TMEM38B: variants seen among roughly 807,000 people sequenced by gnomAD.
TMEM38B encodes trimeric intracellular cation channel type B.
A neutral mutation model predicts 28.7 loss-of-function variants in TMEM38B; 24 were observed. That is an observed-to-expected ratio of 0.84 (90% CI 0.61 to 1.18). The LOEUF (loss-of-function observed/expected upper bound fraction) is 1.18. TMEM38B is among the 50% of genes most tolerant of loss of function. The probability of loss-of-function intolerance (pLI) is 0.00; values close to 1 mark genes in which losing one functional copy is unlikely to be tolerated. For synonymous variants in TMEM38B, 131 were observed against 127.7 expected, an observed-to-expected ratio of 1.03 and a Z score of -0.17; for missense variants, 380 against 350.9, an observed-to-expected ratio of 1.08 and a Z score of -0.66.
intron 2 of TMEM38B, among the ~76,000 whole-genome samples, chr9:105,706,219 A>G (rs1311619302): frequency 2.0e-5 from 3 of 152,136 alleles, no homozygotes; most frequent in African/African-American, 7.2e-5. Flanking sequence ...CTTTAAGTGT[A>G]AAGTATATCT....
At position 105,740,862 on chromosome 9, in the gene TMEM38B, A is replaced by G. The variant is rs770535774; in HGVS notation, c.543-7211A>G. Among the ~76,000 whole-genome samples, 4 of 152,266 alleles carry G rather than the reference A, an allele frequency of 2.6e-5. No homozygotes were observed. In the South Asian group the frequency reaches 8.3e-4, roughly 32 times the overall value. ...TGTTAATGTGTCAGTATATTTCTAT[A>G]TTTTTCTGCATAAATATATTTTTAC... On this transcript the variant is annotated intron_variant, in intron 4 of 5. Transcript: ENST00000374692.
intron 2 of TMEM38B, among the ~76,000 whole-genome samples, chr9:105,715,252 C>A (rs1836053066): frequency 1.3e-5 from 2 of 152,038 alleles, no homozygotes; most frequent in African/African-American, 4.8e-5. Flanking sequence ...ATATATTACT[C>A]CATTTTCTTC....
intron 5 of TMEM38B, among the ~76,000 whole-genome samples, chr9:105,763,635 C>T (rs929358426): frequency 2.0e-5 from 3 of 152,138 alleles, no homozygotes; most frequent in African/African-American, 7.2e-5. Context: ...GATTCACAGC[C>T]GAATTCTACC....
chr9:105,773,912 T>A lies in TMEM38B; in HGVS notation c.708T>A (p.Phe236Leu), dbSNP rs541852094. 1 of 1,613,786 alleles carries A rather than the reference T, an allele frequency of 6.2e-7. No individual in the cohort carries two copies. Among genetic ancestry groups the A allele is most frequent in the East Asian group, 2.2e-5 (1 of 44,874 alleles). The change falls in exon 6 of 6, where the codon TTT becomes TTA. Residue 236 changes from phenylalanine (F) to leucine (L), a missense_variant. Transcript: ENST00000374692. ...CTTCTACTATGACATTTGCTCCTTT[T>A]GAGGATACATTGAGTTGGATGCTAT... is the stretch of plus-strand genomic sequence containing the variant. ...TQTSTMTFAPFEDTLSWMLFG... is the reference protein window; with the variant it reads ...TQTSTMTFAPLEDTLSWMLFG...
rs142554283 is a variant in TMEM38B, at chr9:105,730,156, G to A, written c.542+7535G>A. Among the ~76,000 whole-genome samples, 768 of 152,116 alleles carry A rather than the reference G, an allele frequency of 5.0e-3. 5 individuals carry two copies. Among genetic ancestry groups the A allele is most frequent in the Non-Finnish European group, 8.7e-3 (591 of 67,986 alleles). ...AGAGAGGGCATCCTTGTCTTGTGCC[G>A]GTTTTCAAAGGGAATGCGTCCAGTT... On this transcript the variant is annotated intron_variant, in intron 4 of 5. Transcript: ENST00000374692.
At chr9:105,739,448 G>C (rs1837109474) in intron 4 of TMEM38B, among the ~76,000 whole-genome samples, 1 of 152,088 alleles carries the variant, frequency 6.6e-6, no homozygotes. Flanking sequence ...AACAAAAATA[G>C]TGATGGAATT....
chr9:105,761,583 T>C (rs1838053551), intron 5 of TMEM38B, among the ~76,000 whole-genome samples: 1 of 152,200 alleles, frequency 6.6e-6, no homozygotes, highest in Non-Finnish European at 1.5e-5. Context: ...ACCTATCAGA[T>C]GCTTAAAATA....
At chr9:105,767,199 A>T (rs1235833279) in intron 5 of TMEM38B, among the ~76,000 whole-genome samples, 1 of 151,952 alleles carries the variant, frequency 6.6e-6, no homozygotes, top group Non-Finnish European at 1.5e-5. Flanking sequence ...TTTGTTGAAA[A>T]GACAGTTCTT....
At chr9:105,760,865 C>T (rs571459611) in intron 5 of TMEM38B, 77 of 592,798 alleles carry the variant, frequency 1.3e-4, no homozygotes, top group Non-Finnish European at 2.0e-4. Context: ...TCTAAATAAG[C>T]ACATTATGTA....
rs1363684732 is a variant in TMEM38B, at chr9:105,705,614, T to A, written c.130T>A (p.Trp44Arg). 6.2e-7 allele frequency: 1 copy of A among 1,613,802 alleles called. No individual in the cohort carries two copies. The highest frequency in any genetic ancestry group is 1.1e-5 in the South Asian group (1 of 91,016). Residue 44 changes from tryptophan to arginine, a missense_variant, in exon 2 of 6, where the codon TGG becomes AGG. Transcript: ENST00000374692. ...CATTTCAGGAGCAGCTGCATTGGCA[T>A]GGAAGAATCCTATTTCAAGCTGGTT... ...KRQPGAAALA[W>R]KNPISSWFTA...
intron 1 of TMEM38B, 143 bp downstream of exon 1, chr9:105,694,915 C>T: frequency 1.4e-6 from 1 of 698,048 alleles, no homozygotes; most frequent in South Asian, 1.8e-5. Flanking sequence ...GGAGGGGCGC[C>T]AAGGGCCGGT....
chr9:105,739,185 ACTGT>A (rs1458122132), intron 4 of TMEM38B, among the ~76,000 whole-genome samples: 1 of 152,146 alleles, frequency 6.6e-6, no homozygotes, highest in African/African-American at 2.4e-5. Context: ...TTATTTCTAG[ACTGT>A]CTGTTCTATT....
chr9:105,726,922 T>G (rs1033070032), intron 4 of TMEM38B, among the ~76,000 whole-genome samples: 5 of 152,162 alleles, frequency 3.3e-5, no homozygotes, highest in Non-Finnish European at 7.4e-5. Context: ...TTAATTTACT[T>G]GTTGGCTTAT....
Position 105,774,736 on chromosome 9 carries a change from T to G in TMEM38B, c.*656T>G, listed in dbSNP as rs1292871257. 1 of 152,026 alleles carries G rather than the reference T, an allele frequency of 6.6e-6. No individual in the cohort carries two copies. Among genetic ancestry groups the G allele is most frequent in the Non-Finnish European group, 1.5e-5 (1 of 67,930 alleles). 9.4% of individuals were successfully genotyped at this position (152,026 alleles called of 1,614,324 possible). On this transcript the variant is annotated 3_prime_UTR_variant, in exon 6 of 6. Coordinates refer to ENST00000374692, the MANE Select transcript of TMEM38B (RefSeq NM_018112.3). ...ACTACTTTTCATTTAGAACAGAGTATGAGTCTTAATCTGAAGTCTTTTTCA... is the reference window on the plus strand; with the variant it reads ...ACTACTTTTCATTTAGAACAGAGTAGGAGTCTTAATCTGAAGTCTTTTTCA...
chr9:105,701,166 C>G, intron 1 of TMEM38B: 1 of 152,232 alleles, frequency 6.6e-6, no homozygotes. Context: ...AATTTTATAC[C>G]TACTGAGTTC....
rs1205886066 is a variant in TMEM38B at position 105,721,607 on chromosome 9, G to C, written c.340G>C (p.Ala114Pro). ...TTCATATCTACCTGTTCAACTACTG[G>C]CTTCGGGAATGAAGGAAGTGACCAG... The part of the protein sequence containing the change: ...GYSYLPVQLL[A>P]SGMKEVTRTW... The change falls in exon 3 of 6, where the codon GCT (alanine) becomes CCT (proline). Residue 114 changes from alanine (A) to proline (P), a missense_variant. By Grantham distance (27) the Ala-to-Pro change is conservative. Coordinates refer to ENST00000374692, the MANE Select transcript of TMEM38B (RefSeq NM_018112.3). 3.7e-6 allele frequency: 6 copies of C among 1,613,506 alleles called. No individual in the cohort carries two copies. Among genetic ancestry groups the C allele is most frequent in the Non-Finnish European group, 5.1e-6 (6 of 1,179,650 alleles).
At position 105,774,211 on chromosome 9, in the gene TMEM38B, A is replaced by C. The variant is rs1354905636; in HGVS notation, c.*131A>C. 1 of 752,550 alleles carries C rather than the reference A, an allele frequency of 1.3e-6. No individual in the cohort carries two copies. Among genetic ancestry groups the C allele is most frequent in the Non-Finnish European group, 2.1e-6 (1 of 471,612 alleles). The allele number at this position is 752,550 out of a possible 1,614,324, so 46.6% of individuals were successfully genotyped here. ...GGAATGGAGGTGACAGAAAGAAAGA[A>C]ATTCTTTGTTTGAGGGAGACTTCCC... On this transcript the variant is annotated 3_prime_UTR_variant, in exon 6 of 6. Coordinates refer to ENST00000374692, the MANE Select transcript of TMEM38B (RefSeq NM_018112.3).
In TMEM38B at chr9:105,774,212, ATTCT is replaced by A; in HGVS notation, c.*135_*138del. On this transcript the variant is annotated 3_prime_UTR_variant, in exon 6 of 6. Coordinates refer to ENST00000374692, the MANE Select transcript of TMEM38B (RefSeq NM_018112.3). ...GAATGGAGGTGACAGAAAGAAAGAA[ATTCT>A]TTGTTTGAGGGAGACTTCCCCTTTC... 1.3e-6 allele frequency: 1 copy of A among 749,474 alleles called. No individual in the cohort carries two copies. The highest frequency in any genetic ancestry group is 2.1e-6 in the Non-Finnish European group (1 of 468,866). 46.4% of individuals were successfully genotyped at this position (749,474 alleles called of 1,614,324 possible). A position where few individuals can be genotyped will look rare whatever the true frequency, so the allele number is the denominator to read the frequency against.
intron 2 of TMEM38B, among the ~76,000 whole-genome samples, chr9:105,706,665 A>C (rs1835681247): frequency 1.3e-5 from 2 of 152,142 alleles, no homozygotes; most frequent in African/African-American, 4.8e-5. Flanking sequence ...GAAAGGAGTA[A>C]CAATAAAGGA....
Sources: gnomAD v4.1 joint callset for allele counts (sites outside exome capture counted in the v4.1 genomes callset) on GRCh38, gnomAD v4.1.1 for gene constraint, MANE v1.5 for transcripts, NCBI Gene and HGNC (gene_info 2026-07-23, HGNC 2026-07-21) for gene names.